CTNNA3: variants seen among roughly 807,000 people sequenced by gnomAD.
CTNNA3 encodes the protein catenin alpha-3.
A neutral mutation model predicts 95.7 loss-of-function variants in CTNNA3; 76 were observed. The observed-to-expected ratio is 0.79, with a 90% CI of 0.66 to 0.96. The LOEUF (loss-of-function observed/expected upper bound fraction) is 0.96. Among genes scored for constraint, CTNNA3 ranks in the 40% least tolerant of loss-of-function variants. CTNNA3 has a pLI of 0.00. For synonymous variants in CTNNA3, 431 were observed against 374.4 expected (o/e 1.15, Z -1.74); for missense variants, 1,191 against 1,089.8 (o/e 1.09, Z -1.31).
intron 7 of CTNNA3, among the ~76,000 whole-genome samples, chr10:67,116,946 T>C (rs909612820): frequency 6.6e-6 from 1 of 151,706 alleles, no homozygotes; most frequent in Non-Finnish European, 1.5e-5. Flanking sequence ...GAACTTACTA[T>C]CTTCAAGACA....
chr10:67,603,426 G>A (rs920699962), intron 3 of CTNNA3, among the ~76,000 whole-genome samples: 2 of 152,128 alleles, frequency 1.3e-5, no homozygotes, highest in African/African-American at 2.4e-5. Context: ...ACTTCCAGAA[G>A]AAGGCATTGT....
At chr10:65,929,662 G>T (rs909465094) in intron 17 of CTNNA3, among the ~76,000 whole-genome samples, 2 of 150,680 alleles carry the variant, frequency 1.3e-5, no homozygotes, top group South Asian at 4.2e-4. Context: ...TCCACCTTCC[G>T]GGTTCACGCC....
intron 1 of CTNNA3, among the ~76,000 whole-genome samples, chr10:67,728,081 T>TTATA (rs1447216324): frequency 7.7e-5 from 11 of 142,566 alleles, no homozygotes; most frequent in African/African-American, 2.8e-4. Context: ...ATATTATATA[T>TTATA]TATATAATAT....
intron 5 of CTNNA3, among the ~76,000 whole-genome samples, chr10:67,496,822 T>C (rs1466219494): frequency 6.6e-6 from 1 of 152,188 alleles, no homozygotes; most frequent in Non-Finnish European, 1.5e-5. Context: ...TTGTCTATAA[T>C]TCCAATGATA....
intron 3 of CTNNA3, among the ~76,000 whole-genome samples, chr10:67,602,483 A>T (rs1046478733): frequency 6.6e-6 from 1 of 152,202 alleles, no homozygotes; most frequent in Non-Finnish European, 1.5e-5. Context: ...ATCACACAGT[A>T]AAGCATTTGG....
At chr10:66,022,477 G>A (rs929912154) in intron 15 of CTNNA3, among the ~76,000 whole-genome samples, 1 of 151,978 alleles carries the variant, frequency 6.6e-6, no homozygotes, top group Non-Finnish European at 1.5e-5. Flanking sequence ...ACTGTTCCAT[G>A]ACCTGAGATG....
chr10:66,270,939 G>A (rs1040237079), intron 13 of CTNNA3, among the ~76,000 whole-genome samples: 1 of 152,158 alleles, frequency 6.6e-6, no homozygotes, highest in African/African-American at 2.4e-5. Flanking sequence ...TGCCCAAAAA[G>A]TGATTCTTGA....
At chr10:67,129,432 A>C (rs1421799661) in intron 7 of CTNNA3, among the ~76,000 whole-genome samples, 1 of 152,182 alleles carries the variant, frequency 6.6e-6, no homozygotes, top group African/African-American at 2.4e-5. Context: ...AGTTAACAAC[A>C]ATTCTGACAC....
At position 65,961,204 on chromosome 10, in the gene CTNNA3, CTCTT is replaced by C. The variant is rs1211318481; in HGVS notation, c.2400+5404_2400+5407del. ...TCTGTCTGCTCTGACCCTCAAGTAT[CTCTT>C]TCTTTCTTTCTCTCTCTTTTATTCC... is the stretch of plus-strand genomic sequence containing the variant. On this transcript the variant is annotated intron_variant, in intron 17 of 17. Transcript: ENST00000433211. 2.0e-4 allele frequency among the ~76,000 whole-genome samples: 31 copies of C among 152,124 alleles called. No individual in the cohort carries two copies. The East Asian group carries it at 4.8e-3, about 24-fold the overall frequency.
chr10:66,232,599 A>T (rs2132014215), intron 13 of CTNNA3, among the ~76,000 whole-genome samples: 2 of 152,294 alleles, frequency 1.3e-5, no homozygotes, highest in Non-Finnish European at 2.9e-5. Flanking sequence ...AAAGATCCAG[A>T]AATGACCAAG....
chr10:66,648,656 G>T (rs1845789466), intron 9 of CTNNA3, among the ~76,000 whole-genome samples: 1 of 147,824 alleles, frequency 6.8e-6, no homozygotes, highest in Non-Finnish European at 1.5e-5. Flanking sequence ...AAGAAAAAAT[G>T]ATTGTAAAAA....
intron 11 of CTNNA3, among the ~76,000 whole-genome samples, chr10:66,466,502 G>A (rs2131862065): frequency 6.6e-6 from 1 of 151,990 alleles, no homozygotes; most frequent in East Asian, 1.9e-4. Flanking sequence ...CTGACTGCTG[G>A]AGACCCCTCT....
intron 7 of CTNNA3, among the ~76,000 whole-genome samples, chr10:66,879,936 A>T (rs752239663): frequency 2.0e-5 from 3 of 152,096 alleles, no homozygotes; most frequent in African/African-American, 4.8e-5. Flanking sequence ...ATACTGGGAA[A>T]TGTAGAGAGT....
chr10:67,702,153 T>G (rs1422997567), intron 1 of CTNNA3, among the ~76,000 whole-genome samples: 3 of 152,124 alleles, frequency 2.0e-5, no homozygotes, highest in Non-Finnish European at 4.4e-5. Context: ...ACAAAGAGAC[T>G]TAGACTCCCA....
At chr10:66,098,498 T>C (rs2081490061) in intron 14 of CTNNA3, among the ~76,000 whole-genome samples, 1 of 152,216 alleles carries the variant, frequency 6.6e-6, no homozygotes, top group Admixed American at 6.5e-5. Context: ...TATGATGTGT[T>C]AAACAGTATC....
rs188853143 is a variant in CTNNA3, at chr10:67,506,546, C to T, written c.579+15296G>A. Among the ~76,000 whole-genome samples, 608 of 152,342 alleles carry T rather than the reference C, an allele frequency of 4.0e-3. 5 individuals carry two copies. Among genetic ancestry groups the T allele is most frequent in the Non-Finnish European group, 6.8e-3 (464 of 68,034 alleles). On this transcript the variant is annotated intron_variant, in intron 5 of 17. Transcript: ENST00000433211. ...TTAACATCTACAAAAGGCTGCATGA[C>T]TGGTGTGTGCCTGTTTAAAGCTCTG... is the stretch of plus-strand genomic sequence containing the variant.
intron 5 of CTNNA3, among the ~76,000 whole-genome samples, chr10:67,464,448 A>G (rs1194353734): frequency 1.3e-5 from 2 of 152,044 alleles, no homozygotes; most frequent in Non-Finnish European, 2.9e-5. Flanking sequence ...ATCACATACT[A>G]TTTACTCATC....
intron 12 of CTNNA3, among the ~76,000 whole-genome samples, chr10:66,313,263 TA>T (rs2092049198): frequency 6.6e-6 from 1 of 152,180 alleles, no homozygotes; most frequent in African/African-American, 2.4e-5. Flanking sequence ...GATAGATAGC[TA>T]GTAAGTGATC....
chr10:66,649,044 T>C (rs1845804829), intron 9 of CTNNA3, among the ~76,000 whole-genome samples: 1 of 152,062 alleles, frequency 6.6e-6, no homozygotes, highest in Admixed American at 6.5e-5. Flanking sequence ...CAAAGTAGAT[T>C]CATAGGAAAT....
Sources: allele counts gnomAD v4.1 joint callset (sites outside exome capture counted in the v4.1 genomes callset), GRCh38; gene constraint gnomAD v4.1.1; transcripts MANE v1.5; gene names NCBI Gene and HGNC (gene_info 2026-07-23, HGNC 2026-07-21).